The following FHIT variants were observed in gnomAD, a reference collection of about 807,000 sequenced individuals.
FHIT encodes bis(5'-adenosyl)-triphosphatase.
A neutral mutation model predicts 17.9 loss-of-function variants in FHIT; 19 were observed. The ratio of observed to expected loss-of-function variants is 1.06; its 90% confidence interval spans 0.74 to 1.56. The LOEUF (loss-of-function observed/expected upper bound fraction) is 1.56. FHIT is among the 40% of genes most tolerant of loss of function. The pLI, the probability that FHIT is intolerant of heterozygous loss-of-function variation, is 0.00. For missense variants in FHIT, 248 were observed against 189.2 expected (o/e 1.31, Z -1.82); for synonymous variants, 81 against 69.7 (o/e 1.16, Z -0.81).
At chr3:60,487,538 G>A (rs1331759965) in intron 5 of FHIT, among the ~76,000 whole-genome samples, 1 of 152,150 alleles carries the variant, frequency 6.6e-6, no homozygotes, top group African/African-American at 2.4e-5. Context: ...TGAACAAAAT[G>A]CAGATCTTTG....
Position 60,534,423 on chromosome 3 carries a change from G to A in FHIT, c.103+2437C>T, listed in dbSNP as rs529217023. 9.6e-3 allele frequency among the ~76,000 whole-genome samples: 778 copies of A among 80,854 alleles called. 9 individuals carry two copies. The highest frequency in any genetic ancestry group is 0.062 in the Middle Eastern group (4 of 64). The allele number at this position is 80,854 out of a possible 152,430, so 53.0% of individuals were successfully genotyped here. On this transcript the variant is annotated intron_variant, in intron 5 of 9. Transcript: ENST00000492590. ...AGTCCGCAGTCCGGCCTGGGCGACA[G>A]AGCGAGACTCCGTCTCAAAAAAAAA... is the stretch of plus-strand genomic sequence containing the variant.
intron 3 of FHIT, among the ~76,000 whole-genome samples, chr3:61,040,164 AAAAG>A (rs1240400436): frequency 2.0e-5 from 3 of 152,212 alleles, no homozygotes; most frequent in African/African-American, 7.2e-5. Context: ...AAACCTTCTC[AAAAG>A]AAAGCAAATG....
chr3:60,735,502 C>T (rs142425071), intron 4 of FHIT, among the ~76,000 whole-genome samples: 1 of 152,170 alleles, frequency 6.6e-6, no homozygotes, highest in Non-Finnish European at 1.5e-5. Flanking sequence ...ACTGAAGGAA[C>T]TATTGTGAAA....
At chr3:61,212,203 C>T (rs377173588) in intron 1 of FHIT, among the ~76,000 whole-genome samples, 7 of 152,242 alleles carry the variant, frequency 4.6e-5, no homozygotes, top group Middle Eastern at 6.8e-3. Context: ...CAAACTACTC[C>T]GAGCTAAAGG....
At chr3:60,011,133 T>G (rs924814706) in intron 7 of FHIT, among the ~76,000 whole-genome samples, 1 of 151,482 alleles carries the variant, frequency 6.6e-6, no homozygotes, top group Non-Finnish European at 1.5e-5. Context: ...TAGTTTCTGT[T>G]TTAGCGTTTG....
chr3:59,855,103 CA>C (rs1449620653), intron 8 of FHIT, among the ~76,000 whole-genome samples: 1 of 152,196 alleles, frequency 6.6e-6, no homozygotes, highest in African/African-American at 2.4e-5. Context: ...TAACATTAAA[CA>C]ATGTTTTCCC....
intron 1 of FHIT, among the ~76,000 whole-genome samples, chr3:61,238,108 C>T (rs1245365133): frequency 2.0e-5 from 3 of 152,104 alleles, no homozygotes; most frequent in Non-Finnish European, 4.4e-5. Flanking sequence ...TCCCTGCCCT[C>T]ATAGTGCTAT....
In FHIT at chr3:60,042,739, A is replaced by C. The variant is rs538710828; in HGVS notation, c.104-28587T>G. Among the ~76,000 whole-genome samples the C allele has an allele frequency of 1.1e-4, 16 of 152,246 alleles. No individual in the cohort carries two copies. The South Asian group carries it at 3.1e-3, about 30-fold the overall frequency. On this transcript the variant is annotated intron_variant, in intron 5 of 9. Transcript: ENST00000492590. ...AGGACTTCAACTTATCTTTCTTTGC[A>C]AGGGATACAATTCAACCCATAACAG... is the stretch of plus-strand genomic sequence containing the variant.
chr3:60,255,598 T>G (rs1346019045), intron 5 of FHIT, among the ~76,000 whole-genome samples: 1 of 152,094 alleles, frequency 6.6e-6, no homozygotes, highest in Admixed American at 6.6e-5. Context: ...CCGCCCCAAA[T>G]CTAACTTTCC....
At chr3:60,099,463 G>A (rs1418150785) in intron 5 of FHIT, among the ~76,000 whole-genome samples, 2 of 152,072 alleles carry the variant, frequency 1.3e-5, no homozygotes, top group Non-Finnish European at 2.9e-5. Context: ...CACTCAGCTG[G>A]GATTCTGACC....
At chr3:60,426,689 T>G (rs1019669408) in intron 5 of FHIT, among the ~76,000 whole-genome samples, 1 of 152,166 alleles carries the variant, frequency 6.6e-6, no homozygotes, top group Non-Finnish European at 1.5e-5. Flanking sequence ...ATTCACCGTT[T>G]GATCATCACA....
intron 5 of FHIT, among the ~76,000 whole-genome samples, chr3:60,159,413 G>T (rs1576223952): frequency 6.6e-6 from 1 of 152,132 alleles, no homozygotes; most frequent in South Asian, 2.1e-4. Flanking sequence ...GGGCCATAAT[G>T]CCCAGCCGAT....
intron 3 of FHIT, among the ~76,000 whole-genome samples, chr3:60,852,329 G>A (rs1408758393): frequency 6.6e-6 from 1 of 152,014 alleles, no homozygotes; most frequent in Non-Finnish European, 1.5e-5. Context: ...CAGATCTGGG[G>A]ACTTGCCAGC....
chr3:60,512,111 T>A (rs1206650944), intron 5 of FHIT, among the ~76,000 whole-genome samples: 1 of 152,138 alleles, frequency 6.6e-6, no homozygotes, highest in Non-Finnish European at 1.5e-5. Flanking sequence ...CAAGCCAGAA[T>A]CACCAACAAA....
intron 5 of FHIT, among the ~76,000 whole-genome samples, chr3:60,524,283 A>G (rs544947408): frequency 1.3e-5 from 2 of 152,162 alleles, no homozygotes; most frequent in East Asian, 3.9e-4. Context: ...TATAAACACT[A>G]CAAAGGAACG....
At chr3:60,163,624 T>G (rs746444819) in intron 5 of FHIT, among the ~76,000 whole-genome samples, 3 of 152,188 alleles carry the variant, frequency 2.0e-5, no homozygotes, top group Admixed American at 1.3e-4. Flanking sequence ...CTCTCCAGCA[T>G]CCCTGGCCAG....
At chr3:59,977,359 C>T (rs531190818) in intron 7 of FHIT, among the ~76,000 whole-genome samples, 2 of 152,214 alleles carry the variant, frequency 1.3e-5, no homozygotes, top group East Asian at 1.9e-4. Context: ...GCTCCCTTCA[C>T]AACATTTTGA....
At chr3:60,324,596 G>C (rs1709596736) in intron 5 of FHIT, among the ~76,000 whole-genome samples, 1 of 134,608 alleles carries the variant, frequency 7.4e-6, no homozygotes, top group Admixed American at 7.6e-5. Flanking sequence ...AAGAATTCCA[G>C]TTACTAGCAA....
At chr3:60,443,172 G>A (rs1381466995) in intron 5 of FHIT, among the ~76,000 whole-genome samples, 1 of 152,032 alleles carries the variant, frequency 6.6e-6, no homozygotes, top group Non-Finnish European at 1.5e-5. Flanking sequence ...GGAGATTTTG[G>A]GCTGAGACGA....
Sources: allele counts gnomAD v4.1 joint callset (sites outside exome capture counted in the v4.1 genomes callset), GRCh38; gene constraint gnomAD v4.1.1; transcripts MANE v1.5; gene names NCBI Gene and HGNC (gene_info 2026-07-23, HGNC 2026-07-21).